CDH13: variants seen among roughly 807,000 people sequenced by gnomAD.
The protein encoded by CDH13 is cadherin 13.
Under a neutral mutation model 63.8 loss-of-function variants are expected in CDH13, and 24 were observed. The observed-to-expected ratio is 0.38, with a 90% CI of 0.27 to 0.53. The LOEUF (loss-of-function observed/expected upper bound fraction) is 0.53. Ranked by LOEUF, CDH13 falls within the 20% of genes least tolerant of loss-of-function variation. The pLI, the probability that CDH13 is intolerant of heterozygous loss-of-function variation, is 0.85. For synonymous variants in CDH13, 503 were observed against 355.3 expected (o/e 1.42, Z -4.67); for missense variants, 1,049 against 903.1 (o/e 1.16, Z -2.07).
intron 10 of CDH13, among the ~76,000 whole-genome samples, chr16:83,687,584 G>A (rs529427526): frequency 1.3e-5 from 2 of 152,300 alleles, no homozygotes; most frequent in African/African-American, 4.8e-5. Context: ...ATTTCAGTAT[G>A]AGATTTGGGT....
chr16:82,937,996 G>T (rs1232950030), intron 2 of CDH13, among the ~76,000 whole-genome samples: 1 of 152,110 alleles, frequency 6.6e-6, no homozygotes, highest in Non-Finnish European at 1.5e-5. Context: ...TGTAACAATG[G>T]AATTGTGTTA....
At chr16:82,686,363 G>A (rs972758667) in intron 1 of CDH13, among the ~76,000 whole-genome samples, 1 of 152,172 alleles carries the variant, frequency 6.6e-6, no homozygotes, top group African/African-American at 2.4e-5. Flanking sequence ...CACCAGTTAG[G>A]ATCAATACAC....
chr16:83,039,100 C>G (rs1250356149), intron 3 of CDH13, among the ~76,000 whole-genome samples: 1 of 152,188 alleles, frequency 6.6e-6, no homozygotes, highest in Non-Finnish European at 1.5e-5. Context: ...AAGCAAAAGT[C>G]TCCCATGGCC....
At chr16:83,175,006 G>A (rs2038070742) in intron 4 of CDH13, among the ~76,000 whole-genome samples, 1 of 152,070 alleles carries the variant, frequency 6.6e-6, no homozygotes, top group East Asian at 1.9e-4. Context: ...AATTTGAGGT[G>A]AGATTTGGGT....
chr16:83,013,908 G>C (rs1293520153), intron 2 of CDH13, among the ~76,000 whole-genome samples: 1 of 152,136 alleles, frequency 6.6e-6, no homozygotes, highest in Non-Finnish European at 1.5e-5. Context: ...TGGAAATTGG[G>C]ACTCTGGTAA....
chr16:83,297,797 G>C (rs1362323635), intron 5 of CDH13, among the ~76,000 whole-genome samples: 1 of 152,090 alleles, frequency 6.6e-6, no homozygotes, highest in Non-Finnish European at 1.5e-5. Flanking sequence ...GGAATAGGTA[G>C]ACTAATCGAA....
intron 3 of CDH13, among the ~76,000 whole-genome samples, chr16:83,122,834 A>G (rs1236744844): frequency 6.6e-6 from 1 of 152,138 alleles, no homozygotes; most frequent in Admixed American, 6.5e-5. Context: ...ACATGCACAC[A>G]CTGTGTAGTG....
intron 1 of CDH13, among the ~76,000 whole-genome samples, chr16:82,708,380 A>G (rs1047785764): frequency 6.6e-6 from 1 of 152,178 alleles, no homozygotes; most frequent in African/African-American, 2.4e-5. Context: ...GAAACACTGA[A>G]CAACCAGGCA....
Position 83,413,160 on chromosome 16 carries a change from A to G in CDH13, c.781+68154A>G, listed in dbSNP as rs188768537. On this transcript the variant is annotated intron_variant, in intron 6 of 13. Transcript: ENST00000567109. ...TAGTATAATGTTATTGTAATACTCA[A>G]ATGCAAAGGCACGGTGATGCAGTGA... Among the ~76,000 whole-genome samples the G allele has an allele frequency of 8.8e-4, 134 of 152,314 alleles. 1 individual carries two copies. The highest frequency in any genetic ancestry group is 3.1e-3 in the African/African-American group (128 of 41,570).
At chr16:83,011,078 A>G (rs1914104583) in intron 2 of CDH13, among the ~76,000 whole-genome samples, 1 of 152,142 alleles carries the variant, frequency 6.6e-6, no homozygotes, top group Non-Finnish European at 1.5e-5. Flanking sequence ...CTTCTGTTTC[A>G]TGCTCATGGA....
intron 3 of CDH13, among the ~76,000 whole-genome samples, chr16:83,057,081 C>G (rs772523888): frequency 6.6e-6 from 1 of 152,148 alleles, no homozygotes; most frequent in African/African-American, 2.4e-5. Context: ...ATTCTCCTGC[C>G]TCAGCCTCCT....
intron 2 of CDH13, among the ~76,000 whole-genome samples, chr16:82,923,618 C>T (rs1172869722): frequency 1.3e-5 from 2 of 152,112 alleles, no homozygotes; most frequent in Non-Finnish European, 2.9e-5. Context: ...CTTTACTTTC[C>T]TGAGTCTGTT....
At chr16:82,640,212 A>G (rs915235726) in intron 1 of CDH13, among the ~76,000 whole-genome samples, 1 of 152,220 alleles carries the variant, frequency 6.6e-6, no homozygotes, top group African/African-American at 2.4e-5. Context: ...CTTGGGACAG[A>G]GGATTCTTTG....
intron 2 of CDH13, among the ~76,000 whole-genome samples, chr16:82,890,433 C>T (rs994470156): frequency 4.6e-5 from 7 of 152,166 alleles, no homozygotes; most frequent in African/African-American, 9.7e-5. Flanking sequence ...TCTTTAAAAA[C>T]GATTCCTTTG....
At chr16:82,675,873 C>T (rs920753513) in intron 1 of CDH13, among the ~76,000 whole-genome samples, 21 of 152,172 alleles carry the variant, frequency 1.4e-4, no homozygotes, top group African/African-American at 4.6e-4. Context: ...GCTCTTTCCG[C>T]GCTAAGCAGT....
chr16:82,737,051 C>A (rs7195690), intron 1 of CDH13, among the ~76,000 whole-genome samples: 2 of 151,994 alleles, frequency 1.3e-5, no homozygotes, highest in African/African-American at 4.8e-5. Flanking sequence ...ATGCCTTCTC[C>A]ATCAGTGTTA....
intron 6 of CDH13, among the ~76,000 whole-genome samples, chr16:83,369,180 C>G (rs1223926212): frequency 6.6e-6 from 1 of 151,136 alleles, no homozygotes; most frequent in African/African-American, 2.4e-5. Flanking sequence ...ACATTCCCAC[C>G]AAGAATGGTC....
At chr16:83,092,619 T>G (rs774008698) in intron 3 of CDH13, among the ~76,000 whole-genome samples, 4 of 152,230 alleles carry the variant, frequency 2.6e-5, no homozygotes, top group Non-Finnish European at 5.9e-5. Flanking sequence ...TTACTACTTC[T>G]TTCTTTGCCG....
intron 7 of CDH13, among the ~76,000 whole-genome samples, chr16:83,491,733 C>G (rs190112251): frequency 2.0e-5 from 3 of 152,246 alleles, no homozygotes; most frequent in South Asian, 2.1e-4. Context: ...TATCTATTAT[C>G]TTCCAGATAA....
Sources: gnomAD v4.1 joint callset for allele counts (sites outside exome capture counted in the v4.1 genomes callset) on GRCh38, gnomAD v4.1.1 for gene constraint, MANE v1.5 for transcripts, NCBI Gene and HGNC (gene_info 2026-07-23, HGNC 2026-07-21) for gene names.